The following STK32B variants were observed in gnomAD, a reference collection of about 807,000 sequenced individuals.
STK32B encodes the protein serine/threonine-protein kinase 32B.
In STK32B, 43 loss-of-function variants were observed where a neutral mutation model predicts 52.6. That is an observed-to-expected ratio of 0.82 (90% CI 0.64 to 1.05). STK32B has a LOEUF of 1.05. STK32B is among the 50% of genes least tolerant of loss of function. STK32B has a pLI of 0.00. For synonymous variants in STK32B, 238 were observed against 204.3 expected, an observed-to-expected ratio of 1.17 and a Z score of -1.41; for missense variants, 621 against 534.6, an observed-to-expected ratio of 1.16 and a Z score of -1.59.
intron 11 of STK32B, among the ~76,000 whole-genome samples, chr4:5,485,619 G>A (rs950188488): frequency 4.6e-5 from 7 of 152,122 alleles, no homozygotes; most frequent in African/African-American, 7.2e-5. Flanking sequence ...GCTTTGTTCC[G>A]TTGCTGGTGA....
At chr4:5,046,755 C>T (rs973874561), upstream of STK32B, among the ~76,000 whole-genome samples, 3 of 152,160 alleles carry the variant, frequency 2.0e-5, no homozygotes, top group Non-Finnish European at 2.9e-5. Context: ...CATCAATGCT[C>T]GTTAGAGAAA....
chr4:5,420,021 A>G (rs1406701142), intron 6 of STK32B, among the ~76,000 whole-genome samples: 2 of 152,220 alleles, frequency 1.3e-5, no homozygotes, highest in Non-Finnish European at 2.9e-5. Flanking sequence ...CACATTAACT[A>G]TAACCTATAA....
rs192112391 is a variant in STK32B at position 5,312,112 on chromosome 4, A to G, written c.261-19108A>G. On this transcript the variant is annotated intron_variant, in intron 3 of 11. Transcript: ENST00000282908. ...TATAGTACAATCATCCATATATTGAAATATACTTTATGGGATTGTATACAA... is the reference window on the plus strand; with the variant it reads ...TATAGTACAATCATCCATATATTGAGATATACTTTATGGGATTGTATACAA... Among the ~76,000 whole-genome samples, 806 of 151,818 alleles carry G rather than the reference A, an allele frequency of 5.3e-3. 4 individuals carry two copies. The highest frequency in any genetic ancestry group is 0.018 in the African/African-American group (763 of 41,458).
intron 4 of STK32B, among the ~76,000 whole-genome samples, chr4:5,374,456 G>A (rs562162546): frequency 1.3e-5 from 2 of 152,210 alleles, no homozygotes; most frequent in Non-Finnish European, 2.9e-5. Flanking sequence ...ATGGATTGAT[G>A]TCTTAGCCCA....
intron 4 of STK32B, among the ~76,000 whole-genome samples, chr4:5,389,529 T>TG (rs1440144564): frequency 1.3e-5 from 2 of 152,168 alleles, no homozygotes; most frequent in African/African-American, 2.4e-5. Context: ...TCTCCTCTTC[T>TG]TATAAGGACA....
At chr4:5,318,689 A>G (rs1232484980) in intron 3 of STK32B, among the ~76,000 whole-genome samples, 1 of 152,200 alleles carries the variant, frequency 6.6e-6, no homozygotes, top group African/African-American at 2.4e-5. Flanking sequence ...GAGAGAAAGC[A>G]CATTTGACTA....
At chr4:5,251,768 T>A (rs536462488) in intron 3 of STK32B, among the ~76,000 whole-genome samples, 1 of 152,366 alleles carries the variant, frequency 6.6e-6, no homozygotes, top group South Asian at 2.1e-4. Flanking sequence ...GTTTTGTAAT[T>A]CACGTTACAC....
At chr4:5,192,566 C>A (rs1721299226) in intron 3 of STK32B, among the ~76,000 whole-genome samples, 2 of 152,098 alleles carry the variant, frequency 1.3e-5, no homozygotes, top group Admixed American at 6.5e-5. Context: ...TTAAATGAAA[C>A]AATTTTTTTC....
intron 3 of STK32B, among the ~76,000 whole-genome samples, chr4:5,240,414 T>C (rs1724940557): frequency 6.6e-6 from 1 of 152,188 alleles, no homozygotes; most frequent in Non-Finnish European, 1.5e-5. Context: ...CTTTTCACTC[T>C]TTTATGATAC....
At chr4:5,050,388 C>G (rs1055428181), upstream of STK32B, among the ~76,000 whole-genome samples, 26 of 151,928 alleles carry the variant, frequency 1.7e-4, no homozygotes, top group Non-Finnish European at 2.9e-4. Flanking sequence ...CTTCTCAGTT[C>G]TTTCCCACTG....
At chr4:5,338,882 T>A (rs1180163617) in intron 4 of STK32B, among the ~76,000 whole-genome samples, 2 of 152,212 alleles carry the variant, frequency 1.3e-5, no homozygotes, top group Non-Finnish European at 2.9e-5. Flanking sequence ...GGCTAAAGGA[T>A]GCCCAGAGTG....
intron 4 of STK32B, among the ~76,000 whole-genome samples, chr4:5,367,905 C>T (rs1467634241): frequency 2.6e-5 from 4 of 152,162 alleles, no homozygotes; most frequent in Non-Finnish European, 5.9e-5. Context: ...TCCCTGTCCA[C>T]ATCGCCGCCC....
chr4:5,410,223 A>G (rs767913397), intron 5 of STK32B, among the ~76,000 whole-genome samples: 6 of 152,168 alleles, frequency 3.9e-5, no homozygotes, highest in Non-Finnish European at 8.8e-5. Flanking sequence ...GAGGGAGCTG[A>G]AGGGCCCACA....
intron 3 of STK32B, among the ~76,000 whole-genome samples, chr4:5,204,860 C>T (rs561407819): frequency 2.0e-5 from 3 of 152,186 alleles, no homozygotes; most frequent in Non-Finnish European, 2.9e-5. Context: ...GGGCTCCTGC[C>T]TCTTTGCCTC....
the STK32B span, among the ~76,000 whole-genome samples, chr4:5,043,224 T>C: frequency 6.6e-6 from 1 of 152,114 alleles, no homozygotes; most frequent in Admixed American, 6.5e-5. Context: ...TTTCTTTTAG[T>C]AGCAGGCTTT....
chr4:5,252,091 A>AC (rs1170202372), intron 3 of STK32B, among the ~76,000 whole-genome samples: 2 of 152,096 alleles, frequency 1.3e-5, no homozygotes, highest in African/African-American at 4.8e-5. Flanking sequence ...AGCAGCAACA[A>AC]CCCCCCATCA....
intron 1 of STK32B, among the ~76,000 whole-genome samples, chr4:5,056,399 T>C (rs1447289): frequency 0.99 from 150,575 of 152,336 alleles, 74,444 homozygotes; most frequent in Non-Finnish European, 1. Flanking sequence ...TTCTGTATCC[T>C]TAAGGCCTAA....
At chr4:5,133,104 T>C (rs1715879805) in intron 1 of STK32B, among the ~76,000 whole-genome samples, 1 of 152,236 alleles carries the variant, frequency 6.6e-6, no homozygotes, top group Admixed American at 6.5e-5. Context: ...GGCCAGAATT[T>C]ACCACTTTCT....
In STK32B at chr4:5,377,755, ACT is replaced by A. The variant is rs1735674996; in HGVS notation, c.435-20445_435-20444del. ...AAGGCAGTTTTCTTTGCTCTTGCTCACTCTCTCTTGCCAGCCACCATGTAAGA... is the reference window on the plus strand; with the variant it reads ...AAGGCAGTTTTCTTTGCTCTTGCTCACTCTCTTGCCAGCCACCATGTAAGA... On this transcript the variant is annotated intron_variant, in intron 4 of 11. Coordinates refer to ENST00000282908, the MANE Select transcript of STK32B (RefSeq NM_018401.3). Among the ~76,000 whole-genome samples, 5 of 151,464 alleles carry A rather than the reference ACT, an allele frequency of 3.3e-5. No homozygotes were observed. In the South Asian group the frequency reaches 1.1e-3, roughly 32 times the overall value.
Sources: allele counts gnomAD v4.1 joint callset (sites outside exome capture counted in the v4.1 genomes callset), GRCh38; gene constraint gnomAD v4.1.1; transcripts MANE v1.5; gene names NCBI Gene and HGNC (gene_info 2026-07-23, HGNC 2026-07-21).